The following ADCK5 variants were observed in gnomAD, a reference collection of about 807,000 sequenced individuals.
The protein encoded by ADCK5 is aarF domain containing kinase 5, also known as uncharacterized aarF domain-containing protein kinase 5.
Under a neutral mutation model 64.9 loss-of-function variants are expected in ADCK5, and 43 were observed. The ratio of observed to expected loss-of-function variants is 0.66; its 90% CI spans 0.52 to 0.85. The LOEUF is 0.85. Among genes scored for constraint, ADCK5 ranks in the 40% least tolerant of loss-of-function variants. The pLI, the probability that ADCK5 is intolerant of heterozygous loss-of-function variation, is 0.00. For synonymous variants in ADCK5, 434 were observed against 342.8 expected (o/e 1.27, Z -2.94); for missense variants, 760 against 810.5 (o/e 0.94, Z 0.76).
At chr8:144,392,752 C>T (rs1554861516) in intron 13 of ADCK5, 24 bp from the exon 14 acceptor site, 7 of 1,584,404 alleles carry the variant, frequency 4.4e-6, no homozygotes, top group East Asian at 2.3e-5. Context: ...GGGGCTGACG[C>T]GGCGCTAACG....
rs1176924927 is a variant in ADCK5, at chr8:144,376,217, G to A, written c.12+2110G>A. ...GCAGGGCCATGTGGGGTTCAATTGAGTCCTGTGCTTCACAGCTGTTGGTCT... is the reference window on the plus strand; with the variant it reads ...GCAGGGCCATGTGGGGTTCAATTGAATCCTGTGCTTCACAGCTGTTGGTCT... On this transcript the variant is annotated intron_variant, in intron 1 of 14. Transcript: ENST00000308860. The surrounding 1 kb of genome is among the most constrained non-coding windows in gnomAD (Gnocchi z 5.1). Among the ~76,000 whole-genome samples, 1 of 152,194 alleles carries A rather than the reference G, an allele frequency of 6.6e-6. No homozygotes were observed. Among genetic ancestry groups the A allele is most frequent in the Non-Finnish European group, 1.5e-5 (1 of 68,038 alleles).
In ADCK5 at chr8:144,391,280, TG is replaced by T; in HGVS notation, c.684+11del. On this transcript the variant is annotated splice_region_variant and intron_variant, in intron 6 of 14. Transcript: ENST00000308860. ...GCACCAGCGTGGCTGTGAAGGTATATGGGGGCTGCCTTGTTCAGCAGTGGGC... is the reference window on the plus strand; with the variant it reads ...GCACCAGCGTGGCTGTGAAGGTATATGGGGCTGCCTTGTTCAGCAGTGGGC... 6.2e-7 allele frequency: 1 copy of T among 1,612,402 alleles called. No homozygotes were observed.
At position 144,392,962 on chromosome 8, in the gene ADCK5, C is replaced by G. The variant is rs1306504133; in HGVS notation, c.1638-7C>G. The G allele has an allele frequency of 6.3e-7, 1 of 1,587,250 alleles. No homozygotes were observed. Among genetic ancestry groups the G allele is most frequent in the Admixed American group, 1.8e-5 (1 of 56,434 alleles). On this transcript the variant is annotated splice_region_variant and splice_polypyrimidine_tract_variant and intron_variant, in intron 14 of 14. Coordinates refer to ENST00000308860, the MANE Select transcript of ADCK5 (RefSeq NM_174922.5). ...CCCACCTGTGACCTGTGACCTGACC[C>G]ACGCAGGCTGGAGACCTTGGCCATG... is the stretch of plus-strand genomic sequence containing the variant.
rs1321606540 is a variant in ADCK5, at chr8:144,391,491, T to C, written c.798+17T>C. The C allele has an allele frequency of 6.2e-7, 1 of 1,603,266 alleles. No individual in the cohort carries two copies. The highest frequency in any genetic ancestry group is 8.5e-7 in the Non-Finnish European group (1 of 1,176,392). ...GTCCTCCAGGTACAGCCCCACCCCT[T>C]CCCCGGCCAGCAGGAGCAAACACGT... is the stretch of plus-strand genomic sequence containing the variant. On this transcript the variant is annotated intron_variant, in intron 7 of 14. Transcript: ENST00000308860.
chr8:144,374,675 C>T (rs1161496201), intron 1 of ADCK5, among the ~76,000 whole-genome samples: 2 of 152,162 alleles, frequency 1.3e-5, no homozygotes, highest in Non-Finnish European at 2.9e-5. Context: ...AGCCTGCTGC[C>T]CCGGACCTCC....
rs1820374500 is a variant in ADCK5 at position 144,392,811 on chromosome 8, C to T, written c.1556C>T (p.Thr519Met). 3 of 1,592,318 alleles carry T rather than the reference C, an allele frequency of 1.9e-6. No homozygotes were observed. Among genetic ancestry groups the T allele is most frequent in the African/African-American group, 1.3e-5 (1 of 74,912 alleles). ...VRGWSRLAGATYRGVYGTSLL... is the reference protein window; with the variant it reads ...VRGWSRLAGAMYRGVYGTSLL... ...GGCTGGAGCCGCCTGGCGGGCGCCACGTATCGGGGTGTCTACGGCACCAGC... is the reference window on the plus strand; with the variant it reads ...GGCTGGAGCCGCCTGGCGGGCGCCATGTATCGGGGTGTCTACGGCACCAGC... Residue 519 changes from threonine to methionine, a missense_variant, in exon 14 of 15, where the codon ACG (threonine) becomes ATG (methionine). Physicochemically the swap from Thr to Met is moderately conservative, Grantham distance 81. Transcript: ENST00000308860.
Position 144,392,123 on chromosome 8 carries a change from G to T in ADCK5, c.1128G>T (p.Ala376=). ...TGCGGAAAGGCCCGGACGGGAAAGC[G>T]GAGCTGGTGCTGCTGGACCACGGGC... ...VLVRKGPDGK[A]ELVLLDHGLY... is the part of the protein sequence containing the mutation. The change falls in exon 11 of 15, where the codon GCG becomes GCT. Residue 376 remains alanine (A), a synonymous_variant. Transcript: ENST00000308860. The T allele has an allele frequency of 6.2e-7, 1 of 1,611,072 alleles. No individual in the cohort carries two copies.
intron 1 of ADCK5, among the ~76,000 whole-genome samples, chr8:144,375,867 GT>G (rs1471143343): frequency 6.6e-6 from 1 of 152,192 alleles, no homozygotes; most frequent in African/African-American, 2.4e-5. Flanking sequence ...TCTCAGGTGT[GT>G]TGGGGGAAGG....
At position 144,392,623 on chromosome 8, in the gene ADCK5, C is replaced by T; in HGVS notation, c.1446C>T (p.Arg482=). ...ELPRPMLLVL[R]NINTVRAINV... is the part of the protein sequence containing the mutation. Reference sequence around the variant, plus strand: ...CGCGGCCCATGCTGCTGGTGCTGCGCAACATCAACACCGTGCGCGCTATCA... The same window carrying T: ...CGCGGCCCATGCTGCTGGTGCTGCGTAACATCAACACCGTGCGCGCTATCA... The change falls in exon 13 of 15, where the codon CGC becomes CGT. Residue 482 remains arginine, a synonymous_variant. Coordinates refer to ENST00000308860, the MANE Select transcript of ADCK5 (RefSeq NM_174922.5). 2 of 1,591,426 alleles carry T rather than the reference C, an allele frequency of 1.3e-6. No individual in the cohort carries two copies. The highest frequency in any genetic ancestry group is 1.7e-6 in the Non-Finnish European group (2 of 1,172,804).
At position 144,375,786 on chromosome 8, in the gene ADCK5, C is replaced by T. The variant is rs1445059161; in HGVS notation, c.12+1679C>T. The stretch of plus-strand genomic sequence containing the variant: ...ATGAGAGGTTCTGACAGGGGGCACC[C>T]GTTTCATCTTGTCCAAACTGGAAGG... On this transcript the variant is annotated intron_variant, in intron 1 of 14. Transcript: ENST00000308860. 3 of 523,924 alleles carry T rather than the reference C, an allele frequency of 5.7e-6. No homozygotes were observed. In the African/African-American group the frequency reaches 6.2e-5, roughly 11 times the overall value. 32.5% of individuals were successfully genotyped at this position (523,924 alleles called of 1,614,324 possible). A position where few individuals can be genotyped will look rare whatever the true frequency, so the allele number is the denominator to read the frequency against.
intron 10 of ADCK5, 23 bp from the exon 11 acceptor site, chr8:144,392,069 G>A (rs782211102): frequency 1.2e-6 from 2 of 1,612,214 alleles, no homozygotes; most frequent in East Asian, 2.2e-5. Context: ...GGCGCAGCGC[G>A]ACCTAAGAGG....
rs1191720406 is a variant in ADCK5 at position 144,384,127 on chromosome 8, A to G, written c.266+897A>G. Reference sequence around the variant, plus strand: ...ACGGGGTTTCACTGTGTTAGCCAGGATGGTCTCGATCTCCTGACCTCGTGA... The same window carrying G: ...ACGGGGTTTCACTGTGTTAGCCAGGGTGGTCTCGATCTCCTGACCTCGTGA... On this transcript the variant is annotated intron_variant, in intron 3 of 14. Transcript: ENST00000308860. The surrounding 1 kb of genome is among the most constrained non-coding windows in gnomAD (Gnocchi z 5.7). Among the ~76,000 whole-genome samples the G allele has an allele frequency of 1.3e-5, 2 of 151,642 alleles. No homozygotes were observed. Among genetic ancestry groups the G allele is most frequent in the Non-Finnish European group, 2.9e-5 (2 of 67,888 alleles).
chr8:144,390,590 C>T (rs979324522), intron 3 of ADCK5, 81 bp from the exon 4 acceptor site: 2 of 1,418,298 alleles, frequency 1.4e-6, no homozygotes, highest in Non-Finnish European at 9.7e-7. Context: ...TGAGGCTAGA[C>T]CATGAGGGCT....
intron 3 of ADCK5, chr8:144,389,361 C>G (rs894881532): frequency 2.2e-6 from 1 of 456,480 alleles, no homozygotes; most frequent in Admixed American, 2.3e-5. Context: ...CCTGTGACCT[C>G]TGCTGCCTCA....
intron 2 of ADCK5, among the ~76,000 whole-genome samples, chr8:144,382,433 T>C (rs1303836332): frequency 6.6e-6 from 1 of 152,232 alleles, no homozygotes. Context: ...TCCTGCTGTA[T>C]TTGGCAAGTA....
chr8:144,392,504 G>A lies in ADCK5; in HGVS notation c.1327G>A (p.Gly443Ser). The A allele has an allele frequency of 6.5e-7, 1 of 1,540,650 alleles. No homozygotes were observed. The highest frequency in any genetic ancestry group is 8.7e-7 in the Non-Finnish European group (1 of 1,148,734). ...CCCCGTGCGCCTGGGGCAGCTGTGG[G>A]GCTCGCACCTACTGAGCCGCGAAGA... is the stretch of plus-strand genomic sequence containing the variant. ...QRPVRLGQLW[G>S]SHLLSREEAA... Residue 443 changes from glycine (G) to serine (S), a missense_variant, in exon 13 of 15, where the codon GGC (glycine) becomes AGC (serine). Coordinates refer to ENST00000308860, the MANE Select transcript of ADCK5 (RefSeq NM_174922.5).
rs1350616682 is a variant in ADCK5, at chr8:144,376,939, T to C, written c.13-2448T>C. On this transcript the variant is annotated intron_variant, in intron 1 of 14. Transcript: ENST00000308860. The surrounding 1 kb of genome is among the most constrained non-coding windows in gnomAD (Gnocchi z 5.1). ...AGCAGGGGTTTCTGTCAACCCGCCCTCTAGGGATAAGAGGTCATGGACTTT... is the reference window on the plus strand; with the variant it reads ...AGCAGGGGTTTCTGTCAACCCGCCCCCTAGGGATAAGAGGTCATGGACTTT... 6.6e-6 allele frequency among the ~76,000 whole-genome samples: 1 copy of C among 152,256 alleles called. No homozygotes were observed. Among genetic ancestry groups the C allele is most frequent in the African/African-American group, 2.4e-5 (1 of 41,462 alleles).
chr8:144,378,858 G>A (rs375382610), intron 1 of ADCK5, among the ~76,000 whole-genome samples: 10 of 152,078 alleles, frequency 6.6e-5, no homozygotes, highest in East Asian at 5.8e-4. Flanking sequence ...CAGCCTGGGC[G>A]ACAGAGTGAG....
intron 3 of ADCK5, among the ~76,000 whole-genome samples, chr8:144,388,529 C>T (rs1046354660): frequency 2.2e-4 from 33 of 152,016 alleles, no homozygotes; most frequent in African/African-American, 7.7e-4. Flanking sequence ...CTTTGGGAGG[C>T]CAAGGTGGGC....
Sources: allele counts gnomAD v4.1 joint callset (sites outside exome capture counted in the v4.1 genomes callset), GRCh38; gene constraint gnomAD v4.1.1; non-coding constraint Gnocchi (gnomAD v3.1); transcripts MANE v1.5; gene names NCBI Gene and HGNC (gene_info 2026-07-23, HGNC 2026-07-21).